The following NCKAP5 variants were observed in gnomAD, a reference collection of about 807,000 sequenced individuals.
The protein encoded by NCKAP5 is nck-associated protein 5.
In NCKAP5, 92 loss-of-function variants were observed where a neutral mutation model predicts 167.0. The ratio of observed to expected loss-of-function variants is 0.55; its 90% confidence interval spans 0.47 to 0.66. The LOEUF is 0.66. Among genes scored for constraint, NCKAP5 ranks in the 30% least tolerant of loss-of-function variants. NCKAP5 has a pLI of 0.00. For missense variants in NCKAP5, 2,378 were observed against 2,315.0 expected (o/e 1.03, Z -0.56); for synonymous variants, 891 against 877.4 (o/e 1.02, Z -0.27).
intron 6 of NCKAP5, among the ~76,000 whole-genome samples, chr2:133,083,042 G>T (rs1033302496): frequency 3.3e-5 from 5 of 152,160 alleles, no homozygotes; most frequent in Admixed American, 3.3e-4. Flanking sequence ...CGAGCATCTT[G>T]AGTGTCCAGC....
At chr2:133,407,739 G>A (rs1014838202) in intron 3 of NCKAP5, among the ~76,000 whole-genome samples, 13 of 152,096 alleles carry the variant, frequency 8.5e-5, no homozygotes, top group Non-Finnish European at 1.5e-4. Flanking sequence ...ACAAAAACAC[G>A]ATCATTCCTT....
rs182044847 is a variant in NCKAP5 at position 133,035,739 on chromosome 2, A to G, written c.342-41500T>C. ...GTGGCTATGTCTAAAAAGAAAAAAA[A>G]CTTCAAGTGAAAAATCTAATGATGC... is the stretch of plus-strand genomic sequence containing the variant. On this transcript the variant is annotated intron_variant, in intron 6 of 19. Transcript: ENST00000409261. 4.6e-5 allele frequency among the ~76,000 whole-genome samples: 7 copies of G among 152,036 alleles called. No homozygotes were observed. The East Asian group carries it at 1.2e-3, about 25-fold the overall frequency.
chr2:132,676,485 A>T (rs1284972309), intron 19 of NCKAP5, among the ~76,000 whole-genome samples: 1 of 152,030 alleles, frequency 6.6e-6, no homozygotes. Flanking sequence ...AGCTACGAAT[A>T]AAAACACTGA....
intron 3 of NCKAP5, among the ~76,000 whole-genome samples, chr2:133,314,693 G>A (rs1350740944): frequency 6.6e-6 from 1 of 152,204 alleles, no homozygotes; most frequent in Non-Finnish European, 1.5e-5. Flanking sequence ...TACAGTGCAG[G>A]CAAGTCTCTG....
intron 6 of NCKAP5, among the ~76,000 whole-genome samples, chr2:133,103,896 A>G (rs1418835274): frequency 6.6e-6 from 1 of 152,156 alleles, no homozygotes; most frequent in Non-Finnish European, 1.5e-5. Flanking sequence ...ATTTAACCAA[A>G]TGAGCACTAA....
intron 19 of NCKAP5, among the ~76,000 whole-genome samples, chr2:132,694,461 C>T (rs1339726120): frequency 7.8e-6 from 1 of 128,936 alleles, no homozygotes; most frequent in African/African-American, 2.5e-5. Flanking sequence ...CAAAGGTGTA[C>T]TTGGCCCAAA....
chr2:133,057,086 T>A (rs1271741491), intron 6 of NCKAP5, among the ~76,000 whole-genome samples: 1 of 152,190 alleles, frequency 6.6e-6, no homozygotes, highest in African/African-American at 2.4e-5. Context: ...ACTATTGTCA[T>A]TATTTTGGAA....
chr2:132,767,016 C>G (rs548882496), intron 16 of NCKAP5, among the ~76,000 whole-genome samples: 104 of 152,268 alleles, frequency 6.8e-4, no homozygotes, highest in Middle Eastern at 3.4e-3. Flanking sequence ...TGCTCCAAAC[C>G]TCCTCTGTTT....
intron 8 of NCKAP5, among the ~76,000 whole-genome samples, chr2:132,937,726 T>C (rs1181092611): frequency 6.6e-6 from 1 of 152,204 alleles, no homozygotes; most frequent in African/African-American, 2.4e-5. Context: ...AAAATCAATA[T>C]TGGTCTGAAT....
At chr2:133,162,867 A>T (rs1467504263) in intron 5 of NCKAP5, among the ~76,000 whole-genome samples, 1 of 152,204 alleles carries the variant, frequency 6.6e-6, no homozygotes, top group East Asian at 1.9e-4. Flanking sequence ...CAAGAGTAAG[A>T]TCCCCAAACA....
At chr2:132,931,608 T>G (rs1377741569) in intron 8 of NCKAP5, 1 of 152,188 alleles carries the variant, frequency 6.6e-6, no homozygotes, top group Non-Finnish European at 1.5e-5. Context: ...CACAATTCTA[T>G]GGTGTTAAAG....
intron 6 of NCKAP5, among the ~76,000 whole-genome samples, chr2:133,053,355 C>T (rs1286721779): frequency 6.6e-6 from 1 of 152,158 alleles, no homozygotes; most frequent in Non-Finnish European, 1.5e-5. Context: ...TATCCAAGAT[C>T]CTCAAGAAAA....
intron 3 of NCKAP5, among the ~76,000 whole-genome samples, chr2:133,374,005 TG>T (rs1316881046): frequency 6.6e-6 from 1 of 152,218 alleles, no homozygotes; most frequent in Non-Finnish European, 1.5e-5. Flanking sequence ...ATCACATGCC[TG>T]GGTATTTACC....
chr2:133,236,141 G>A (rs2087409227), intron 4 of NCKAP5, among the ~76,000 whole-genome samples: 1 of 141,206 alleles, frequency 7.1e-6, no homozygotes, highest in South Asian at 2.3e-4. Context: ...TGTTAGACAA[G>A]CTTCAGGTAT....
At chr2:132,685,201 C>T (rs1427101910) in intron 19 of NCKAP5, among the ~76,000 whole-genome samples, 1 of 152,156 alleles carries the variant, frequency 6.6e-6, no homozygotes, top group East Asian at 1.9e-4. Context: ...TTTGCTATAG[C>T]AGACGATGAC....
chr2:133,668,419 G>T, the NCKAP5 span, among the ~76,000 whole-genome samples: 1 of 151,936 alleles, frequency 6.6e-6, no homozygotes. Context: ...ATATATGAAG[G>T]TTCTAATTTC....
At chr2:133,145,779 AC>A (rs143070740) in intron 5 of NCKAP5, among the ~76,000 whole-genome samples, 1 of 152,210 alleles carries the variant, frequency 6.6e-6, no homozygotes, top group East Asian at 1.9e-4. Flanking sequence ...ATACTTTCTT[AC>A]AAAAATAAGC....
intron 19 of NCKAP5, among the ~76,000 whole-genome samples, chr2:132,676,736 C>T (rs1684545331): frequency 6.6e-6 from 1 of 152,080 alleles, no homozygotes; most frequent in Non-Finnish European, 1.5e-5. Flanking sequence ...TAACAGTTAC[C>T]ATTTAACAGT....
chr2:132,988,428 C>G (rs558275712), intron 7 of NCKAP5, among the ~76,000 whole-genome samples: 29 of 134,718 alleles, frequency 2.2e-4, no homozygotes, highest in African/African-American at 8.1e-4. Context: ...TGCCACTGCA[C>G]TACAGTGTGG....
Sources: gnomAD v4.1 joint callset for allele counts (sites outside exome capture counted in the v4.1 genomes callset) on GRCh38, gnomAD v4.1.1 for gene constraint, MANE v1.5 for transcripts, NCBI Gene and HGNC (gene_info 2026-07-23, HGNC 2026-07-21) for gene names.